The following ADAMTS6 variants were observed in gnomAD, a reference collection of about 807,000 sequenced individuals.
ADAMTS6 encodes the protein A disintegrin and metalloproteinase with thrombospondin motifs 6.
In ADAMTS6, 23 loss-of-function variants were observed where a neutral mutation model predicts 144.3. The ratio of observed to expected loss-of-function variants is 0.16; its 90% CI spans 0.11 to 0.23. The LOEUF (loss-of-function observed/expected upper bound fraction) is 0.23. Among genes scored for constraint, ADAMTS6 ranks in the 10% least tolerant of loss-of-function variants. The pLI is 1.00. For synonymous variants in ADAMTS6, 444 were observed against 457.5 expected, an observed-to-expected ratio of 0.97 and a Z score of 0.38; for missense variants, 999 against 1,379.6, an observed-to-expected ratio of 0.72 and a Z score of 4.37.
At chr5:65,290,239 A>T (rs1272784780) in intron 11 of ADAMTS6, among the ~76,000 whole-genome samples, 1 of 152,190 alleles carries the variant, frequency 6.6e-6, no homozygotes, top group African/African-American at 2.4e-5. Flanking sequence ...AAGAGGATTT[A>T]AAAGACTATT....
intron 4 of ADAMTS6, among the ~76,000 whole-genome samples, chr5:65,457,155 T>G (rs576776731): frequency 1.3e-5 from 2 of 152,342 alleles, no homozygotes; most frequent in Admixed American, 1.3e-4. Flanking sequence ...AATACTATTA[T>G]ATTCCCAGTA....
intron 7 of ADAMTS6, among the ~76,000 whole-genome samples, chr5:65,399,181 G>A (rs1172319514): frequency 2.0e-5 from 3 of 151,806 alleles, no homozygotes; most frequent in South Asian, 4.2e-4. Context: ...TGTTGAACTC[G>A]GAAGGCAGAG....
At chr5:65,209,417 G>C (rs1022758953) in intron 20 of ADAMTS6, among the ~76,000 whole-genome samples, 5 of 152,192 alleles carry the variant, frequency 3.3e-5, no homozygotes, top group East Asian at 3.8e-4. Context: ...AGTTACAGCA[G>C]TATCTCAAAA....
rs550202221 is a variant in ADAMTS6 at position 65,242,027 on chromosome 5, G to A, written c.1933+77C>T. 128 of 984,932 alleles carry A rather than the reference G, an allele frequency of 1.3e-4. 1 individual carries two copies. In the East Asian group the frequency reaches 3.2e-3, roughly 25 times the overall value. The allele number at this position is 984,932 out of a possible 1,614,324, so 61.0% of individuals were successfully genotyped here. On this transcript the variant is annotated intron_variant, in intron 15 of 24. Coordinates refer to ENST00000381055, the MANE Select transcript of ADAMTS6 (RefSeq NM_197941.4). Reference sequence around the variant, plus strand: ...CTAGTATGTACATGAATGTATGCATGTGTTTGTATATATTTGTATATTCTT... The same window carrying A: ...CTAGTATGTACATGAATGTATGCATATGTTTGTATATATTTGTATATTCTT...
At chr5:65,465,286 T>C (rs1276116959) in intron 3 of ADAMTS6, among the ~76,000 whole-genome samples, 2 of 152,142 alleles carry the variant, frequency 1.3e-5, no homozygotes, top group African/African-American at 4.8e-5. Context: ...ATTCCTACAA[T>C]CACAAATACC....
At chr5:65,228,885 C>T (rs1244916502) in intron 15 of ADAMTS6, among the ~76,000 whole-genome samples, 8 of 152,180 alleles carry the variant, frequency 5.3e-5, no homozygotes, top group Non-Finnish European at 2.9e-5. Context: ...GAAGAGAGGC[C>T]ATAGGCCCAA....
Position 65,470,863 on chromosome 5 carries a change from T to C in ADAMTS6, c.377A>G (p.Asp126Gly). 6.2e-7 allele frequency: 1 copy of C among 1,609,558 alleles called. No homozygotes were observed. Residue 126 changes from aspartate to glycine, a missense_variant, in exon 3 of 25, where the codon GAT (aspartate) becomes GGT (glycine). Coordinates refer to ENST00000381055, the MANE Select transcript of ADAMTS6 (RefSeq NM_197941.4). ...TGTGTAATGACAGTTGTCTAAAAAA[T>C]CATGTTTCCACTGGGGTCCATCTTT... ...WGKDGPQWKH[D>G]FLDNCHYTGY...
intron 7 of ADAMTS6, among the ~76,000 whole-genome samples, chr5:65,426,866 A>G (rs917804472): frequency 6.6e-6 from 1 of 152,322 alleles, no homozygotes; most frequent in Admixed American, 6.5e-5. Context: ...GATGAAAGAT[A>G]TGAGCCCACA....
rs565901583 is a variant in ADAMTS6 at position 65,149,807 on chromosome 5, A to G, written c.*2029T>C. ...CGCAAGGGAATTCAGTGCTCGGGCC[A>G]TACTACCCATGGGCTGTTTGCCCTT... On this transcript the variant is annotated 3_prime_UTR_variant, in exon 25 of 25. Transcript: ENST00000381055. 1 of 152,760 alleles carries G rather than the reference A, an allele frequency of 6.5e-6. No individual in the cohort carries two copies. Among genetic ancestry groups the G allele is most frequent in the South Asian group, 2.1e-4 (1 of 4,832 alleles). 9.5% of individuals were successfully genotyped at this position (152,760 alleles called of 1,614,324 possible).
At chr5:65,239,754 T>C (rs981873204) in intron 15 of ADAMTS6, among the ~76,000 whole-genome samples, 10 of 152,072 alleles carry the variant, frequency 6.6e-5, no homozygotes, top group Non-Finnish European at 1.2e-4. Flanking sequence ...CCAATAAATA[T>C]ATGAAAACGT....
chr5:65,226,085 C>T lies in ADAMTS6; in HGVS notation c.2067+1G>A, dbSNP rs1228831241. On this transcript the variant is annotated splice_donor_variant, in intron 16 of 24. Transcript: ENST00000381055. LOFTEE classifies it high-confidence loss of function. ...ACAGAAAGGAGTAAAATCTGAGCAA[C>T]CTTGCATTCTCCATTGATGCAGATA... is the stretch of plus-strand genomic sequence containing the variant. The T allele has an allele frequency of 6.2e-7, 1 of 1,607,198 alleles. No homozygotes were observed. The highest frequency in any genetic ancestry group is 8.5e-7 in the Non-Finnish European group (1 of 1,176,128).
chr5:65,225,062 G>A lies in ADAMTS6; in HGVS notation c.2068-15C>T, dbSNP rs377433243. ...CAGCCTACGTGCTGAAAACAGAGAG[G>A]AATATTCAGTGTGTCAAGAGAGAAA... On this transcript the variant is annotated splice_polypyrimidine_tract_variant and intron_variant, in intron 16 of 24. Coordinates refer to ENST00000381055, the MANE Select transcript of ADAMTS6 (RefSeq NM_197941.4). The A allele has an allele frequency of 1.2e-6, 2 of 1,609,504 alleles. No homozygotes were observed. Among genetic ancestry groups the A allele is most frequent in the Non-Finnish European group, 1.7e-6 (2 of 1,178,442 alleles).
chr5:65,403,283 T>G (rs1754098160), intron 7 of ADAMTS6, among the ~76,000 whole-genome samples: 1 of 152,148 alleles, frequency 6.6e-6, no homozygotes, highest in Non-Finnish European at 1.5e-5. Flanking sequence ...ACTCCACCTT[T>G]GAAACACTTC....
intron 7 of ADAMTS6, among the ~76,000 whole-genome samples, chr5:65,370,905 C>G (rs1750823094): frequency 6.6e-6 from 1 of 152,202 alleles, no homozygotes; most frequent in Non-Finnish European, 1.5e-5. Context: ...CAGTGATTCT[C>G]CCAGCACACA....
chr5:65,150,694 G>A lies in ADAMTS6; in HGVS notation c.*1142C>T, dbSNP rs550588180. ...CTCATCTATCCACACACTTAAAAGCGCCCGCAAACACACACACACATTTGC... is the reference window on the plus strand; with the variant it reads ...CTCATCTATCCACACACTTAAAAGCACCCGCAAACACACACACACATTTGC... On this transcript the variant is annotated 3_prime_UTR_variant, in exon 25 of 25. Coordinates refer to ENST00000381055, the MANE Select transcript of ADAMTS6 (RefSeq NM_197941.4). 1.4e-4 allele frequency: 22 copies of A among 152,650 alleles called. No homozygotes were observed. The highest frequency in any genetic ancestry group is 4.1e-4 in the African/African-American group (17 of 41,532). 9.5% of individuals were successfully genotyped at this position (152,650 alleles called of 1,614,324 possible).
At chr5:65,270,363 A>T (rs1379586307) in intron 12 of ADAMTS6, among the ~76,000 whole-genome samples, 1 of 152,246 alleles carries the variant, frequency 6.6e-6, no homozygotes, top group Non-Finnish European at 1.5e-5. Flanking sequence ...GAAAAAAATA[A>T]CAAAAATTAA....
chr5:65,394,929 T>A (rs1330900414), intron 7 of ADAMTS6, among the ~76,000 whole-genome samples: 1 of 152,158 alleles, frequency 6.6e-6, no homozygotes, highest in Non-Finnish European at 1.5e-5. Context: ...TTTCATATGA[T>A]CTTATAAATA....
intron 14 of ADAMTS6, among the ~76,000 whole-genome samples, chr5:65,247,496 A>C (rs573152100): frequency 6.6e-6 from 1 of 152,156 alleles, no homozygotes; most frequent in Non-Finnish European, 1.5e-5. Flanking sequence ...CAAGTCCCCA[A>C]TCCTTTTTGT....
chr5:65,182,223 G>T lies in ADAMTS6; in HGVS notation c.2910+5793C>A, dbSNP rs113518306. The stretch of plus-strand genomic sequence containing the variant: ...GCACTTTGGGAGGCTGAGGTGGGTG[G>T]ATCATGAGGTCAGGAGTTTGAGACC... On this transcript the variant is annotated intron_variant, in intron 22 of 24. Transcript: ENST00000381055. Among the ~76,000 whole-genome samples, 433 of 152,132 alleles carry T rather than the reference G, an allele frequency of 2.8e-3. 3 individuals carry two copies. The highest frequency in any genetic ancestry group is 1.0e-2 in the African/African-American group (413 of 41,490).
Sources: gnomAD v4.1 joint callset for allele counts (sites outside exome capture counted in the v4.1 genomes callset) on GRCh38, gnomAD v4.1.1 for gene constraint, MANE v1.5 for transcripts, NCBI Gene and HGNC (gene_info 2026-07-23, HGNC 2026-07-21) for gene names.